The following SIL1 variants were observed in gnomAD, a reference collection of about 807,000 sequenced individuals.
SIL1 encodes nucleotide exchange factor SIL1.
A neutral mutation model predicts 49.1 loss-of-function variants in SIL1; 40 were observed. The ratio of observed to expected loss-of-function variants is 0.81; its 90% confidence interval spans 0.63 to 1.06. The LOEUF (loss-of-function observed/expected upper bound fraction) is 1.06. Ranked by LOEUF, SIL1 falls within the 50% of genes least tolerant of loss-of-function variation. The pLI, the probability that SIL1 is intolerant of heterozygous loss-of-function variation, is 0.00. For synonymous variants in SIL1, 253 were observed against 250.8 expected, an observed-to-expected ratio of 1.01 and a Z score of -0.08; for missense variants, 500 against 572.6, an observed-to-expected ratio of 0.87 and a Z score of 1.29.
chr5:139,156,022 G>A (rs1417610795), intron 1 of SIL1, among the ~76,000 whole-genome samples: 2 of 151,998 alleles, frequency 1.3e-5, no homozygotes, highest in African/African-American at 2.4e-5. Context: ...CAGTAGAGAC[G>A]GGGTTTCTCC....
chr5:139,125,557 T>TA (rs1750735483), intron 2 of SIL1, among the ~76,000 whole-genome samples: 1 of 152,150 alleles, frequency 6.6e-6, no homozygotes, highest in Admixed American at 6.5e-5. Flanking sequence ...ATCCCCATAC[T>TA]AAAAAACAAC....
Position 138,989,005 on chromosome 5 carries a change from T to C in SIL1, c.767+32166A>G, listed in dbSNP as rs1011010864. ...TTACTTTAACATGGAAAAATATCTC[T>C]AGAAGAAACTGACAACACTGGTTGC... On this transcript the variant is annotated intron_variant, in intron 7 of 9. Coordinates refer to ENST00000394817, the MANE Select transcript of SIL1 (RefSeq NM_022464.5). 3.2e-3 allele frequency among the ~76,000 whole-genome samples: 480 copies of C among 152,298 alleles called. 3 individuals are homozygous for C. The highest frequency in any genetic ancestry group is 0.011 in the African/African-American group (466 of 41,570).
At chr5:139,195,622 C>T (rs1489129687) in intron 1 of SIL1, among the ~76,000 whole-genome samples, 4 of 151,354 alleles carry the variant, frequency 2.6e-5, no homozygotes, top group African/African-American at 9.7e-5. Context: ...CTCCTGACCT[C>T]GTGATCCGCC....
At chr5:138,980,507 T>C (rs1321243839) in intron 7 of SIL1, among the ~76,000 whole-genome samples, 1 of 152,084 alleles carries the variant, frequency 6.6e-6, no homozygotes, top group East Asian at 1.9e-4. Flanking sequence ...AGTTGCAGCA[T>C]CAAGAAAGGT....
At chr5:139,055,663 C>G (rs1769394554) in intron 3 of SIL1, among the ~76,000 whole-genome samples, 1 of 139,342 alleles carries the variant, frequency 7.2e-6, no homozygotes, top group African/African-American at 2.7e-5. Flanking sequence ...CGGTCTCCCT[C>G]TCCCTCTCCC....
Position 139,021,187 on chromosome 5 carries a change from C to T in SIL1, c.751G>A (p.Gly251Ser), listed in dbSNP as rs772439933. The part of the protein sequence containing the change: ...LVKEYAAFVL[G>S]AAFSSNPKVQ... ...ACTGCTCACCTGGAAAAGGCAGCGC[C>T]CAGCACAAACGCAGCATACTCCTTC... The change falls in exon 7 of 10, where the codon GGC becomes AGC. Residue 251 changes from glycine (G) to serine (S), a missense_variant. By Grantham distance (56) the Gly-to-Ser change is moderately conservative. Coordinates refer to ENST00000394817, the MANE Select transcript of SIL1 (RefSeq NM_022464.5). 31 of 1,614,002 alleles carry T rather than the reference C, an allele frequency of 1.9e-5. No individual in the cohort carries two copies. Among genetic ancestry groups the T allele is most frequent in the Non-Finnish European group, 2.5e-5 (30 of 1,180,036 alleles).
Position 138,947,098 on chromosome 5 carries a change from C to A in SIL1, c.*19G>T. 1 of 1,596,878 alleles carries A rather than the reference C, an allele frequency of 6.3e-7. No homozygotes were observed. Among genetic ancestry groups the A allele is most frequent in the South Asian group, 1.1e-5 (1 of 89,734 alleles). On this transcript the variant is annotated 3_prime_UTR_variant, in exon 10 of 10. Transcript: ENST00000394817. This position sits in a 1 kb window ranked among gnomAD's most constrained non-coding sequence, Gnocchi z 4.1. ...TCAGCCTCACTAGCGGCATCCCAGT[C>A]CAGTCCTGGTGTGGGGCCTCATCTC...
At chr5:139,141,210 T>C (rs892252572) in intron 1 of SIL1, among the ~76,000 whole-genome samples, 16 of 152,200 alleles carry the variant, frequency 1.1e-4, no homozygotes, top group African/African-American at 2.9e-4. Context: ...TGTCTCCTCA[T>C]TGCCCAGCAC....
intron 3 of SIL1, among the ~76,000 whole-genome samples, chr5:139,062,522 A>T (rs1473526673): frequency 1.3e-5 from 2 of 152,052 alleles, no homozygotes; most frequent in Non-Finnish European, 2.9e-5. Context: ...GACAGCTCCC[A>T]CCATACCCTT....
chr5:139,116,306 TTTTC>T, intron 3 of SIL1, among the ~76,000 whole-genome samples: 1 of 152,082 alleles, frequency 6.6e-6, no homozygotes, highest in Admixed American at 6.5e-5. Context: ...TTTGGAATTT[TTTTC>T]TTTTTCTTTT....
At chr5:139,139,485 A>G (rs1241448204) in intron 1 of SIL1, among the ~76,000 whole-genome samples, 2 of 152,208 alleles carry the variant, frequency 1.3e-5, no homozygotes, top group Admixed American at 1.3e-4. Context: ...TGCCATTTCT[A>G]TTGCAAGCAT....
intron 3 of SIL1, among the ~76,000 whole-genome samples, chr5:139,052,062 C>T (rs778756771): frequency 3.9e-5 from 6 of 152,112 alleles, no homozygotes; most frequent in Non-Finnish European, 5.9e-5. Context: ...TTTAAGAACC[C>T]AAATCAATGA....
rs376244959 is a variant in SIL1 at position 139,024,509 on chromosome 5, G to T, written c.645+2292C>A. Among the ~76,000 whole-genome samples, 25 of 152,356 alleles carry T rather than the reference G, an allele frequency of 1.6e-4. No individual in the cohort carries two copies. The South Asian group carries it at 5.2e-3, about 32-fold the overall frequency. ...AGATGCTGGCAAAATCCTAAAGGAA[G>T]AAAGCATGTCTTTTAGCCCAGTTTA... On this transcript the variant is annotated intron_variant, in intron 6 of 9. Coordinates refer to ENST00000394817, the MANE Select transcript of SIL1 (RefSeq NM_022464.5).
chr5:139,177,650 A>G (rs1751912437), intron 1 of SIL1, among the ~76,000 whole-genome samples: 1 of 152,226 alleles, frequency 6.6e-6, no homozygotes, highest in Admixed American at 6.5e-5. Flanking sequence ...GCAAGGCCAC[A>G]GTATCACTAA....
intron 1 of SIL1, among the ~76,000 whole-genome samples, chr5:139,137,021 C>T (rs1750987678): frequency 1.3e-5 from 2 of 152,190 alleles, no homozygotes; most frequent in Admixed American, 1.3e-4. Context: ...GGCTCTCAGC[C>T]ATGCCTCAGA....
At chr5:139,150,758 G>C (rs545496581) in intron 1 of SIL1, among the ~76,000 whole-genome samples, 3 of 152,294 alleles carry the variant, frequency 2.0e-5, no homozygotes, top group African/African-American at 7.2e-5. Flanking sequence ...GCTAGAACGT[G>C]GGCTGCGGGG....
chr5:139,048,607 C>T lies in SIL1; in HGVS notation c.353+2331G>A, dbSNP rs561242042. Among the ~76,000 whole-genome samples the T allele has an allele frequency of 9.2e-5, 14 of 152,060 alleles. No individual in the cohort carries two copies. The South Asian group carries it at 2.3e-3, about 25-fold the overall frequency. ...TGTGTCTTCAAATCCTAGGCTCAAA[C>T]GATCCACCCGCCTCAGCCTCCCAAA... On this transcript the variant is annotated intron_variant, in intron 4 of 9. Coordinates refer to ENST00000394817, the MANE Select transcript of SIL1 (RefSeq NM_022464.5).
rs1333859140 is a variant in SIL1 at position 139,129,223 on chromosome 5, G to T, written c.-10-1370C>A. ...TACTACAAAGCTACAGTAATCAAAG[G>T]GTGATACTGGCATAAGGATGGACAG... is the stretch of plus-strand genomic sequence containing the variant. On this transcript the variant is annotated intron_variant, in intron 1 of 9. Coordinates refer to ENST00000394817, the MANE Select transcript of SIL1 (RefSeq NM_022464.5). 2.6e-5 allele frequency among the ~76,000 whole-genome samples: 4 copies of T among 152,132 alleles called. No individual in the cohort carries two copies. In the East Asian group the frequency reaches 5.8e-4, roughly 22 times the overall value.
intron 3 of SIL1, among the ~76,000 whole-genome samples, chr5:139,117,113 A>G (rs1161438228): frequency 6.6e-6 from 1 of 152,244 alleles, no homozygotes; most frequent in African/African-American, 2.4e-5. Flanking sequence ...CTCACTGAGC[A>G]CAAAATACTT....
Sources: gnomAD v4.1 joint callset for allele counts (sites outside exome capture counted in the v4.1 genomes callset) on GRCh38, gnomAD v4.1.1 for gene constraint, Gnocchi (gnomAD v3.1) non-coding constraint, MANE v1.5 for transcripts, NCBI Gene and HGNC (gene_info 2026-07-23, HGNC 2026-07-21) for gene names.